Variants in FMN1 observed in about 807,000 individuals in gnomAD.
The protein encoded by FMN1 is formin-1.
In FMN1, 110 loss-of-function variants were observed where a neutral mutation model predicts 132.4. That is an observed-to-expected ratio of 0.83 (90% CI 0.71 to 0.97). The LOEUF is 0.97. Among genes scored for constraint, FMN1 ranks in the 50% least tolerant of loss-of-function variants. The pLI, the probability that FMN1 is intolerant of heterozygous loss-of-function variation, is 0.00. For synonymous variants in FMN1, 722 were observed against 651.7 expected (o/e 1.11, Z -1.64); for missense variants, 1,792 against 1,705.3 (o/e 1.05, Z -0.90).
At chr15:32,829,857 G>A (rs1431311923) in intron 17 of FMN1, among the ~76,000 whole-genome samples, 1 of 152,110 alleles carries the variant, frequency 6.6e-6, no homozygotes, top group Non-Finnish European at 1.5e-5. Flanking sequence ...CTCAGTAGTG[G>A]GAAGGGAGAC....
chr15:32,905,741 A>G (rs373954128), intron 12 of FMN1, among the ~76,000 whole-genome samples: 2 of 152,238 alleles, frequency 1.3e-5, no homozygotes, highest in African/African-American at 4.8e-5. Context: ...TAAATGATTC[A>G]TATTTTCCAG....
At chr15:32,960,357 C>T (rs35098098) in intron 9 of FMN1, among the ~76,000 whole-genome samples, 4,563 of 152,216 alleles carry the variant, frequency 0.03, 104 homozygotes, top group Non-Finnish European at 0.043. Context: ...CGCCTCCCAC[C>T]AGGTCCCTCC....
chr15:33,080,072 A>AT (rs754101480), intron 5 of FMN1, among the ~76,000 whole-genome samples: 5 of 150,812 alleles, frequency 3.3e-5, no homozygotes, highest in Non-Finnish European at 6.0e-5. Context: ...AGCTACTCTG[A>AT]TATTTCTAAA....
chr15:33,062,465 C>T (rs1434306363), intron 6 of FMN1, among the ~76,000 whole-genome samples: 1 of 151,238 alleles, frequency 6.6e-6, no homozygotes, highest in Non-Finnish European at 1.5e-5. Context: ...ACTAAAAATG[C>T]AAAAAAAATA....
chr15:32,896,986 C>T (rs2060175391), intron 15 of FMN1, among the ~76,000 whole-genome samples: 1 of 152,150 alleles, frequency 6.6e-6, no homozygotes, highest in Non-Finnish European at 1.5e-5. Flanking sequence ...AAGAAACTCC[C>T]TACTGTTTTC....
intron 7 of FMN1, among the ~76,000 whole-genome samples, chr15:32,986,178 C>T (rs922603633): frequency 6.6e-6 from 1 of 152,074 alleles, no homozygotes; most frequent in African/African-American, 2.4e-5. Context: ...TGGATCTATC[C>T]AGGAAGAGGC....
chr15:32,995,601 A>C (rs2033717596), intron 7 of FMN1, among the ~76,000 whole-genome samples: 1 of 152,230 alleles, frequency 6.6e-6, no homozygotes, highest in Non-Finnish European at 1.5e-5. Flanking sequence ...CATCATTATT[A>C]CCATCATTAC....
chr15:32,831,188 G>A (rs2058492051), intron 17 of FMN1, among the ~76,000 whole-genome samples: 1 of 152,042 alleles, frequency 6.6e-6, no homozygotes, highest in African/African-American at 2.4e-5. Context: ...AAACTTGGCT[G>A]AGAGTATTAA....
At chr15:33,016,775 G>A (rs748373057) in intron 6 of FMN1, among the ~76,000 whole-genome samples, 1 of 152,064 alleles carries the variant, frequency 6.6e-6, no homozygotes, top group Non-Finnish European at 1.5e-5. Context: ...CTTCTTCCCC[G>A]GTGTCCCACA....
chr15:32,941,234 A>T (rs2061394762), intron 9 of FMN1, among the ~76,000 whole-genome samples: 1 of 152,238 alleles, frequency 6.6e-6, no homozygotes, highest in Non-Finnish European at 1.5e-5. Flanking sequence ...CAGGCTGTTC[A>T]GGAAAGATAG....
chr15:32,919,237 A>C (rs968603193), intron 10 of FMN1, among the ~76,000 whole-genome samples: 5 of 152,194 alleles, frequency 3.3e-5, no homozygotes, highest in Non-Finnish European at 1.5e-5. Context: ...GTTGGCTTCA[A>C]AAGCCTCCTG....
rs922369409 is a variant in FMN1 at position 33,010,769 on chromosome 15, G to T, written c.2162-2694C>A. On this transcript the variant is annotated intron_variant, in intron 6 of 20. Transcript: ENST00000616417. ...ACAAAAATATACAAAAATCCTCATAGTAGCAGTTTAAAAAAGAAAAGCATA... is the reference window on the plus strand; with the variant it reads ...ACAAAAATATACAAAAATCCTCATATTAGCAGTTTAAAAAAGAAAAGCATA... Among the ~76,000 whole-genome samples the T allele has an allele frequency of 1.2e-4, 19 of 152,008 alleles. No individual in the cohort carries two copies. The South Asian group carries it at 3.7e-3, about 30-fold the overall frequency.
At chr15:32,816,095 C>G (rs116932702) in intron 17 of FMN1, among the ~76,000 whole-genome samples, 5 of 152,316 alleles carry the variant, frequency 3.3e-5, no homozygotes, top group Non-Finnish European at 7.4e-5. Flanking sequence ...CACTATAATT[C>G]TTTGTAATCC....
intron 5 of FMN1, among the ~76,000 whole-genome samples, chr15:33,073,227 C>G (rs568436273): frequency 1.3e-5 from 2 of 152,258 alleles, no homozygotes; most frequent in East Asian, 1.9e-4. Context: ...GTAAAGCAAA[C>G]AGGATCGCAT....
intron 2 of FMN1, among the ~76,000 whole-genome samples, chr15:33,188,747 T>A (rs754175340): frequency 6.6e-6 from 1 of 152,302 alleles, no homozygotes; most frequent in Middle Eastern, 3.4e-3. Flanking sequence ...TGCCTTCATT[T>A]TCGTAGGCTG....
intron 9 of FMN1, among the ~76,000 whole-genome samples, chr15:32,946,185 G>C (rs996003813): frequency 6.6e-6 from 1 of 152,088 alleles, no homozygotes; most frequent in African/African-American, 2.4e-5. Context: ...CATTTCCCCC[G>C]TAATTAGTCT....
rs201979446 is a variant in FMN1, at chr15:32,890,135, GTA to G, written c.3715-1845_3715-1844del. Reference sequence around the variant, plus strand: ...TTTTATGGCTGAGTAGTATTCGATTGTATATATATATATCAGTTTCTTTAATC... The same window carrying G: ...TTTTATGGCTGAGTAGTATTCGATTGTATATATATATCAGTTTCTTTAATC... On this transcript the variant is annotated intron_variant, in intron 15 of 20. Coordinates refer to ENST00000616417, the MANE Select transcript of FMN1 (RefSeq NM_001277313.2). Among the ~76,000 whole-genome samples, 7 of 137,124 alleles carry G rather than the reference GTA, an allele frequency of 5.1e-5. No individual in the cohort carries two copies. In the South Asian group the frequency reaches 1.6e-3, roughly 31 times the overall value. 90.0% of individuals were successfully genotyped at this position (137,124 alleles called of 152,430 possible).
intron 9 of FMN1, among the ~76,000 whole-genome samples, chr15:32,945,460 A>G (rs186765826): frequency 2.8e-3 from 425 of 152,274 alleles, no homozygotes; most frequent in African/African-American, 9.2e-3. Context: ...TCTTGTCTAT[A>G]TAATTTCTCA....
chr15:33,085,381 G>A (rs769330777), intron 5 of FMN1, among the ~76,000 whole-genome samples: 8 of 151,862 alleles, frequency 5.3e-5, no homozygotes, highest in Non-Finnish European at 1.2e-4. Context: ...AGGAAACACA[G>A]GGCCCAAACT....
Sources: gnomAD v4.1 joint callset for allele counts (sites outside exome capture counted in the v4.1 genomes callset) on GRCh38, gnomAD v4.1.1 for gene constraint, MANE v1.5 for transcripts, NCBI Gene and HGNC (gene_info 2026-07-23, HGNC 2026-07-21) for gene names.